SLC25A21: variants seen among roughly 807,000 people sequenced by gnomAD.
SLC25A21 encodes solute carrier family 25 member 21.
Under a neutral mutation model 43.8 loss-of-function variants are expected in SLC25A21, and 47 were observed. The observed-to-expected ratio is 1.07, with a 90% CI of 0.85 to 1.37. SLC25A21 has a LOEUF of 1.37. Ranked by LOEUF, SLC25A21 falls within the 40% of genes most tolerant of loss-of-function variation. SLC25A21 has a pLI of 0.00. For missense variants in SLC25A21, 352 were observed against 350.2 expected (o/e 1.00, Z -0.04); for synonymous variants, 131 against 121.3 (o/e 1.08, Z -0.52).
intron 5 of SLC25A21, among the ~76,000 whole-genome samples, chr14:36,725,995 C>A (rs1478053789): frequency 2.0e-5 from 3 of 152,174 alleles, no homozygotes; most frequent in Non-Finnish European, 4.4e-5. Context: ...AACATCTGCA[C>A]AGATAACAAT....
Position 36,977,953 on chromosome 14 carries a change from T to TA in SLC25A21, c.71-102950_71-102949insT, listed in dbSNP as rs1566786649. Among the ~76,000 whole-genome samples, 635 of 129,802 alleles carry TA rather than the reference T, an allele frequency of 4.9e-3. 3 individuals carry two copies. The highest frequency in any genetic ancestry group is 0.019 in the African/African-American group (591 of 31,572). The allele number at this position is 129,802 out of a possible 152,430, so 85.2% of individuals were successfully genotyped here. A position where few individuals can be genotyped will look rare whatever the true frequency, so the allele number is the denominator to read the frequency against. On this transcript the variant is annotated intron_variant, in intron 1 of 9. Transcript: ENST00000331299. ...GTGATTACAAAGCTTTTTTTTTTTT[T>TA]TAAAAAAAAAAAAAGACAATTAGTT... is the stretch of plus-strand genomic sequence containing the variant.
intron 1 of SLC25A21, among the ~76,000 whole-genome samples, chr14:36,990,457 T>C (rs1182746106): frequency 2.0e-5 from 3 of 152,158 alleles, no homozygotes; most frequent in African/African-American, 7.2e-5. Flanking sequence ...ATGACTGCTT[T>C]TGAGGAGAGA....
At chr14:37,116,683 C>G (rs1963113164) in intron 1 of SLC25A21, among the ~76,000 whole-genome samples, 1 of 151,990 alleles carries the variant, frequency 6.6e-6, no homozygotes, top group African/African-American at 2.4e-5. Context: ...ATAATAGAAA[C>G]CAAATATGCT....
At chr14:36,809,555 C>G (rs926421295) in intron 3 of SLC25A21, among the ~76,000 whole-genome samples, 1 of 152,046 alleles carries the variant, frequency 6.6e-6, no homozygotes, top group African/African-American at 2.4e-5. Flanking sequence ...GGGATTTGGA[C>G]TCATGTGGTT....
intron 3 of SLC25A21, among the ~76,000 whole-genome samples, chr14:36,764,630 A>C (rs561252371): frequency 1.2e-4 from 18 of 151,758 alleles, no homozygotes; most frequent in African/African-American, 4.3e-4. Flanking sequence ...AAAAAAAAAA[A>C]AAACCACGCA....
chr14:37,067,610 C>CA (rs1372619126), intron 1 of SLC25A21, among the ~76,000 whole-genome samples: 1 of 151,680 alleles, frequency 6.6e-6, no homozygotes, highest in Non-Finnish European at 1.5e-5. Context: ...TAATGACAAG[C>CA]AAAAAAAGCA....
intron 1 of SLC25A21, among the ~76,000 whole-genome samples, chr14:37,032,128 G>T (rs550007158): frequency 6.6e-6 from 1 of 152,228 alleles, no homozygotes; most frequent in South Asian, 2.1e-4. Context: ...TATATTTGAA[G>T]AAATTAAAGT....
At chr14:37,155,767 T>C (rs934161253) in intron 1 of SLC25A21, among the ~76,000 whole-genome samples, 19 of 152,090 alleles carry the variant, frequency 1.2e-4, no homozygotes, top group African/African-American at 4.3e-4. Flanking sequence ...GACAAGCAAA[T>C]GCTGAAGGAA....
In SLC25A21 at chr14:36,857,033, C is replaced by G. The variant is rs114382087; in HGVS notation, c.119+17923G>C. 7.9e-3 allele frequency among the ~76,000 whole-genome samples: 1,208 copies of G among 152,318 alleles called. 16 individuals carry two copies. The highest frequency in any genetic ancestry group is 0.028 in the African/African-American group (1,163 of 41,576). ...TTTACAGCCCTCATATTTCCATGGG[C>G]CTTTTCACATTTACCACTGTTTGAC... On this transcript the variant is annotated intron_variant, in intron 2 of 9. Coordinates refer to ENST00000331299, the MANE Select transcript of SLC25A21 (RefSeq NM_030631.4).
At chr14:36,856,779 G>C (rs1889911385) in intron 2 of SLC25A21, among the ~76,000 whole-genome samples, 1 of 152,158 alleles carries the variant, frequency 6.6e-6, no homozygotes, top group Non-Finnish European at 1.5e-5. Context: ...GGGGTGGAGG[G>C]GCATGAAGGA....
chr14:37,138,731 T>C lies in SLC25A21; in HGVS notation c.70+33550A>G, dbSNP rs540509948. On this transcript the variant is annotated intron_variant, in intron 1 of 9. Transcript: ENST00000331299. ...TTATGAGCTCCTTAAAAATCTTCTATATATACTAACATGTTATAATTACAT... is the reference window on the plus strand; with the variant it reads ...TTATGAGCTCCTTAAAAATCTTCTACATATACTAACATGTTATAATTACAT... Among the ~76,000 whole-genome samples, 12 of 152,154 alleles carry C rather than the reference T, an allele frequency of 7.9e-5. No individual in the cohort carries two copies. In the South Asian group the frequency reaches 2.1e-3, roughly 26 times the overall value.
chr14:36,785,260 C>T (rs1481645116), intron 3 of SLC25A21, among the ~76,000 whole-genome samples: 1 of 152,180 alleles, frequency 6.6e-6, no homozygotes, highest in Non-Finnish European at 1.5e-5. Context: ...ATCTTTTCCC[C>T]ATAGAATTCT....
intron 7 of SLC25A21, among the ~76,000 whole-genome samples, chr14:36,710,918 T>C (rs1318314526): frequency 6.6e-6 from 1 of 152,174 alleles, no homozygotes; most frequent in Non-Finnish European, 1.5e-5. Context: ...GTTCAAAAGT[T>C]TTTTAAAATA....
chr14:36,681,511 T>C (rs1204987586), intron 9 of SLC25A21, among the ~76,000 whole-genome samples: 1 of 152,210 alleles, frequency 6.6e-6, no homozygotes, highest in African/African-American at 2.4e-5. Flanking sequence ...TCATTTTATG[T>C]TCTATTTGAT....
At chr14:36,782,095 G>A (rs553203816) in intron 3 of SLC25A21, among the ~76,000 whole-genome samples, 26 of 152,144 alleles carry the variant, frequency 1.7e-4, no homozygotes, top group Non-Finnish European at 3.7e-4. Context: ...TGAGAAATCT[G>A]CTAAAAGTCT....
At position 37,033,950 on chromosome 14, in the gene SLC25A21, C is replaced by A. The variant is rs191463483; in HGVS notation, c.70+138331G>T. On this transcript the variant is annotated intron_variant, in intron 1 of 9. Coordinates refer to ENST00000331299, the MANE Select transcript of SLC25A21 (RefSeq NM_030631.4). Reference sequence around the variant, plus strand: ...TTCCAAGAAGCTGAACACTTGTGTTCCATTTAGCAATTTGGAATAAGGTTC... The same window carrying A: ...TTCCAAGAAGCTGAACACTTGTGTTACATTTAGCAATTTGGAATAAGGTTC... Among the ~76,000 whole-genome samples the A allele has an allele frequency of 2.6e-4, 40 of 152,040 alleles. No homozygotes were observed. The East Asian group carries it at 7.7e-3, about 29-fold the overall frequency.
Position 37,169,392 on chromosome 14 carries a change from G to A in SLC25A21, c.70+2889C>T, listed in dbSNP as rs776177988. Among the ~76,000 whole-genome samples, 2 of 151,964 alleles carry A rather than the reference G, an allele frequency of 1.3e-5. 1 individual carries two copies. The highest frequency in any genetic ancestry group is 2.9e-5 in the Non-Finnish European group (2 of 67,982). On this transcript the variant is annotated intron_variant, in intron 1 of 9. Transcript: ENST00000331299. ...ACTTGACTACTAAAAGAGAAGAGATGGAGAGACTTCACTTCCTGAGTTATC... is the reference window on the plus strand; with the variant it reads ...ACTTGACTACTAAAAGAGAAGAGATAGAGAGACTTCACTTCCTGAGTTATC...
rs563470170 is a variant in SLC25A21 at position 36,794,660 on chromosome 14, T to C, written c.203+19258A>G. Among the ~76,000 whole-genome samples the C allele has an allele frequency of 5.9e-5, 9 of 151,926 alleles. 1 individual carries two copies. Among genetic ancestry groups the C allele is most frequent in the African/African-American group, 1.9e-4 (8 of 41,444 alleles). ...GGCGCATGCCTGTAATACCAGCTAC[T>C]TGGGAGACTGAGACAGGAGAATCGC... On this transcript the variant is annotated intron_variant, in intron 3 of 9. Coordinates refer to ENST00000331299, the MANE Select transcript of SLC25A21 (RefSeq NM_030631.4).
chr14:36,994,809 C>T (rs1211581686), intron 1 of SLC25A21, among the ~76,000 whole-genome samples: 6 of 152,126 alleles, frequency 3.9e-5, no homozygotes, highest in Non-Finnish European at 7.4e-5. Flanking sequence ...CAAAAGGAAA[C>T]GTGGCATTAA....
Sources: allele counts gnomAD v4.1 joint callset (sites outside exome capture counted in the v4.1 genomes callset), GRCh38; gene constraint gnomAD v4.1.1; transcripts MANE v1.5; gene names NCBI Gene and HGNC (gene_info 2026-07-23, HGNC 2026-07-21).